The following MTM1 variants were observed in gnomAD, a reference collection of about 807,000 sequenced individuals.
MTM1 encodes the protein myotubularin 1.
Under a neutral mutation model 52.1 loss-of-function variants are expected in MTM1, and 9 were observed. The ratio of observed to expected loss-of-function variants is 0.17; its 90% confidence interval spans 0.10 to 0.30. MTM1 has a LOEUF of 0.30. Among genes scored for constraint, MTM1 ranks in the 10% least tolerant of loss-of-function variants. MTM1 has a pLI of 1.00. For synonymous variants in MTM1, 136 were observed against 163.8 expected (o/e 0.83, Z 1.29); for missense variants, 277 against 470.7 (o/e 0.59, Z 3.81).
chrX:150,562,668 G>C, the MTM1 span, among the ~76,000 whole-genome samples: 1 of 111,560 alleles, frequency 9.0e-6, no homozygotes, highest in Non-Finnish European at 1.9e-5. Flanking sequence ...AAAGAACCTG[G>C]GTTTCTCTCT....
chrX:150,579,478 G>A (rs1468553009), intron 1 of MTM1, among the ~76,000 whole-genome samples: 1 of 110,974 alleles, frequency 9.0e-6, no homozygotes, highest in Non-Finnish European at 1.9e-5. Flanking sequence ...CATTTTTTTT[G>A]GTATTGCAAA....
chrX:150,609,962 C>T (rs903397041), intron 4 of MTM1, among the ~76,000 whole-genome samples: 2 of 111,721 alleles, frequency 1.8e-5, no homozygotes, highest in South Asian at 7.5e-4. Context: ...TCTCCCTGAT[C>T]CTAGCCGTGT....
rs782759714 is a variant in MTM1 at position 150,569,477 on chromosome X, A to G, written c.-11+815A>G. Among the ~76,000 whole-genome samples the G allele has an allele frequency of 5.3e-5, 6 of 112,899 alleles. No homozygotes were observed. In the Admixed American group the frequency reaches 5.6e-4, roughly 11 times the overall value. On this transcript the variant is annotated intron_variant, in intron 1 of 14. Transcript: ENST00000370396. The stretch of plus-strand genomic sequence containing the variant: ...CGACTGGTTTTGAAACAGATACACC[A>G]GATCTTCACAAGAATAAAATTATAG...
intron 1 of MTM1, among the ~76,000 whole-genome samples, chrX:150,583,292 A>T (rs2038639576): frequency 1.7e-5 from 1 of 57,407 alleles, no homozygotes; most frequent in African/African-American, 7.2e-5. Context: ...AATATATATA[A>T]ATTATATATA....
At position 150,663,562 on chromosome X, in the gene MTM1, C is replaced by A. The variant is rs868978574; in HGVS notation, c.1597C>A (p.Leu533Ile). The change falls in exon 14 of 15, where the codon CTC becomes ATC. Residue 533 changes from leucine to isoleucine, a missense_variant. By Grantham distance (5) the Leu-to-Ile change is conservative (BLOSUM62 2). Coordinates refer to ENST00000370396, the MANE Select transcript of MTM1 (RefSeq NM_000252.3). ...AGTTGCCAGTATGCGTCACTTGGAA[C>A]TCTGGGTGAATTACTACATTAGATG... The part of the protein sequence containing the change: ...YPVASMRHLE[L>I]WVNYYIRWNP... The A allele has an allele frequency of 4.1e-6, 5 of 1,209,852 alleles. No individual in the cohort carries two copies. The African/African-American group carries it at 8.7e-5, about 21-fold the overall frequency.
At chrX:150,600,655 GAT>G (rs1382206389) in intron 4 of MTM1, among the ~76,000 whole-genome samples, 1 of 112,299 alleles carries the variant, frequency 8.9e-6, no homozygotes, top group Non-Finnish European at 1.9e-5. Context: ...AAAGGGACAT[GAT>G]GGACCCATCT....
At chrX:150,609,193 G>A (rs1557412912) in intron 4 of MTM1, among the ~76,000 whole-genome samples, 1 of 111,259 alleles carries the variant, frequency 9.0e-6, no homozygotes, top group Admixed American at 9.5e-5. Flanking sequence ...TTTCAAAGTG[G>A]TGTGAGCCAA....
In MTM1 at chrX:150,588,027, CT is replaced by C. The variant is rs781870905; in HGVS notation, c.-10-4577del. ...GTTTTATAAAAAGGGAGTTTCGGGTCTGATGGTATTGAGCACCACTGCCAAA... is the reference window on the plus strand; with the variant it reads ...GTTTTATAAAAAGGGAGTTTCGGGTCGATGGTATTGAGCACCACTGCCAAA... On this transcript the variant is annotated intron_variant, in intron 1 of 14. Transcript: ENST00000370396. Among the ~76,000 whole-genome samples the C allele has an allele frequency of 1.4e-3, 156 of 111,449 alleles. 1 individual carries two copies. The highest frequency in any genetic ancestry group is 2.4e-3 in the Non-Finnish European group (126 of 53,084).
chrX:150,644,857 C>T (rs1252465122), intron 8 of MTM1, among the ~76,000 whole-genome samples: 7 of 111,385 alleles, frequency 6.3e-5, no homozygotes, highest in Non-Finnish European at 1.1e-4. Context: ...TGGCACTAGA[C>T]CCCAAAGTCC....
intron 1 of MTM1, among the ~76,000 whole-genome samples, chrX:150,570,244 A>G (rs1256089902): frequency 9.2e-6 from 1 of 108,188 alleles, no homozygotes; most frequent in African/African-American, 3.5e-5. Flanking sequence ...AAAAAAATAA[A>G]CAATGATATA....
chrX:150,626,798 G>T (rs5924837), intron 6 of MTM1, among the ~76,000 whole-genome samples: 1 of 110,913 alleles, frequency 9.0e-6, no homozygotes, highest in African/African-American at 3.3e-5. Context: ...TTTTAGCCTA[G>T]ATGTGGCCTA....
At chrX:150,670,109 C>A (rs1304989729) in intron 14 of MTM1, among the ~76,000 whole-genome samples, 1 of 112,330 alleles carries the variant, frequency 8.9e-6, no homozygotes, top group Non-Finnish European at 1.9e-5. Flanking sequence ...TGTTGTATAT[C>A]TTGACCTGGG....
intron 1 of MTM1, among the ~76,000 whole-genome samples, chrX:150,581,712 ATATC>A (rs1557411894): frequency 5.4e-5 from 6 of 112,079 alleles, no homozygotes; most frequent in South Asian, 7.4e-4. Context: ...AGAATGACAG[ATATC>A]TATCTGTTAG....
chrX:150,594,076 A>T (rs2038934985), intron 2 of MTM1, among the ~76,000 whole-genome samples: 1 of 109,935 alleles, frequency 9.1e-6, no homozygotes. Context: ...CTTATTGATT[A>T]TGTGTTCCGT....
chrX:150,644,462 T>C (rs1557413923), intron 8 of MTM1, among the ~76,000 whole-genome samples: 1 of 112,072 alleles, frequency 8.9e-6, no homozygotes, highest in East Asian at 2.8e-4. Flanking sequence ...TGAATAAATA[T>C]TACTGTATAA....
chrX:150,647,194 A>AATATATATATATATATATATATAT (rs59931479), intron 9 of MTM1, among the ~76,000 whole-genome samples: 73 of 83,820 alleles, frequency 8.7e-4, no homozygotes, highest in African/African-American at 1.2e-3. Context: ...TTTCAGGGTG[A>AATATATATATATATATATATATAT]ATATATATAT....
chrX:150,624,103 G>A (rs1294552587), intron 6 of MTM1, among the ~76,000 whole-genome samples: 1 of 111,332 alleles, frequency 9.0e-6, no homozygotes, highest in Non-Finnish European at 1.9e-5. Flanking sequence ...TTCAAGTCAC[G>A]ACTTAACACT....
At chrX:150,641,583 C>T (rs996808878) in intron 8 of MTM1, among the ~76,000 whole-genome samples, 165 bp downstream of exon 8, 13 of 111,101 alleles carry the variant, frequency 1.2e-4, no homozygotes, top group African/African-American at 2.9e-4. Flanking sequence ...AGAAGTGTGC[C>T]GTCACCTGCC....
At chrX:150,648,072 C>T (rs1294560391) in intron 9 of MTM1, among the ~76,000 whole-genome samples, 3 of 111,803 alleles carry the variant, frequency 2.7e-5, no homozygotes, top group Non-Finnish European at 5.6e-5. Flanking sequence ...AAGTGGCCCA[C>T]TTAAATAATA....
Sources: allele counts gnomAD v4.1 joint callset (sites outside exome capture counted in the v4.1 genomes callset), GRCh38; gene constraint gnomAD v4.1.1; transcripts MANE v1.5; gene names NCBI Gene and HGNC (gene_info 2026-07-23, HGNC 2026-07-21).